The following GRM7 variants were observed in gnomAD, a reference collection of about 807,000 sequenced individuals.
GRM7 encodes the protein metabotropic glutamate receptor 7.
A neutral mutation model predicts 84.5 loss-of-function variants in GRM7; 35 were observed. The observed-to-expected ratio is 0.41, with a 90% CI of 0.32 to 0.55. GRM7 has a LOEUF of 0.55. Ranked by LOEUF, GRM7 falls within the 20% of genes least tolerant of loss-of-function variation. The pLI, the probability that GRM7 is intolerant of heterozygous loss-of-function variation, is 0.19. For synonymous variants in GRM7, 487 were observed against 455.1 expected (o/e 1.07, Z -0.89); for missense variants, 1,003 against 1,194.6 (o/e 0.84, Z 2.36).
At chr3:7,482,110 C>A (rs1023514270) in intron 7 of GRM7, among the ~76,000 whole-genome samples, 1 of 152,152 alleles carries the variant, frequency 6.6e-6, no homozygotes, top group African/African-American at 2.4e-5. Flanking sequence ...ATGGCGTGAA[C>A]CCAGGAGGCG....
intron 7 of GRM7, among the ~76,000 whole-genome samples, chr3:7,505,367 C>G (rs575219202): frequency 6.6e-6 from 1 of 152,182 alleles, no homozygotes; most frequent in Non-Finnish European, 1.5e-5. Context: ...TGAGGGTGAC[C>G]CTGACCCTAT....
In GRM7 at chr3:6,861,279, A is replaced by C; in HGVS notation, c.-110A>C. ...GGATTCCCCCACCCTCCGTGCCTGCAGGAGCCCCTGGGCTTTCCCGGAGGA... is the reference window on the plus strand; with the variant it reads ...GGATTCCCCCACCCTCCGTGCCTGCCGGAGCCCCTGGGCTTTCCCGGAGGA... On this transcript the variant is annotated 5_prime_UTR_variant, in exon 1 of 10. Coordinates refer to ENST00000357716, the MANE Select transcript of GRM7 (RefSeq NM_000844.4). This position sits in a 1 kb window ranked among gnomAD's most constrained non-coding sequence, Gnocchi z 6.4. The C allele has an allele frequency of 1.1e-6, 1 of 916,116 alleles. No individual in the cohort carries two copies. The highest frequency in any genetic ancestry group is 1.5e-6 in the Non-Finnish European group (1 of 671,854). The allele number at this position is 916,116 out of a possible 1,614,324, so 56.7% of individuals were successfully genotyped here.
At chr3:7,683,643 T>C (rs982745461) in intron 9 of GRM7, among the ~76,000 whole-genome samples, 5 of 152,262 alleles carry the variant, frequency 3.3e-5, no homozygotes, top group African/African-American at 1.2e-4. Context: ...GTGACGATCA[T>C]GTTTTATGTG....
chr3:7,609,706 C>T (rs559754068), intron 8 of GRM7, among the ~76,000 whole-genome samples: 1 of 152,122 alleles, frequency 6.6e-6, no homozygotes, highest in African/African-American at 2.4e-5. Flanking sequence ...TGGATGAAAT[C>T]ATCACCTAGA....
Position 7,135,172 on chromosome 3 carries a change from A to T in GRM7, c.520-11280A>T, listed in dbSNP as rs574968047. ...GTTTGGAATAAATTAATAAAAATTA[A>T]ATTACCCCCAAATTAGAATTCCTGC... is the stretch of plus-strand genomic sequence containing the variant. On this transcript the variant is annotated intron_variant, in intron 1 of 9. Coordinates refer to ENST00000357716, the MANE Select transcript of GRM7 (RefSeq NM_000844.4). 6.6e-5 allele frequency among the ~76,000 whole-genome samples: 10 copies of T among 152,328 alleles called. No homozygotes were observed. In the South Asian group the frequency reaches 1.9e-3, roughly 28 times the overall value.
At chr3:7,476,917 C>A (rs1165073834) in intron 7 of GRM7, among the ~76,000 whole-genome samples, 1 of 152,328 alleles carries the variant, frequency 6.6e-6, no homozygotes, top group African/African-American at 2.4e-5. Context: ...ACACATTTCA[C>A]CTTACTTGTG....
chr3:7,631,819 G>T (rs1163540563), intron 8 of GRM7, among the ~76,000 whole-genome samples: 1 of 152,074 alleles, frequency 6.6e-6, no homozygotes, highest in African/African-American at 2.4e-5. Context: ...ATTGCCCTGG[G>T]TTGACCTAGG....
chr3:7,166,717 C>T (rs977611506), intron 2 of GRM7, among the ~76,000 whole-genome samples: 7 of 152,106 alleles, frequency 4.6e-5, no homozygotes, highest in African/African-American at 9.7e-5. Context: ...GAACAGATGC[C>T]GCTTGATGGC....
intron 4 of GRM7, among the ~76,000 whole-genome samples, chr3:7,410,018 T>G (rs1695856994): frequency 6.6e-6 from 1 of 152,204 alleles, no homozygotes; most frequent in Non-Finnish European, 1.5e-5. Context: ...ATGAGAGAGA[T>G]GCATTTCTCA....
At chr3:7,582,271 G>A (rs1695292092) in intron 8 of GRM7, among the ~76,000 whole-genome samples, 1 of 152,174 alleles carries the variant, frequency 6.6e-6, no homozygotes, top group African/African-American at 2.4e-5. Flanking sequence ...CTCAGGTAGG[G>A]AACATACAGG....
chr3:7,207,791 T>C (rs1478304227), intron 2 of GRM7, among the ~76,000 whole-genome samples: 8 of 152,214 alleles, frequency 5.3e-5, no homozygotes, highest in African/African-American at 1.9e-4. Flanking sequence ...AGCACAACTT[T>C]CAGAATTATT....
At chr3:7,298,275 A>G (rs942318080) in intron 2 of GRM7, among the ~76,000 whole-genome samples, 35 of 152,182 alleles carry the variant, frequency 2.3e-4, no homozygotes, top group Non-Finnish European at 3.7e-4. Context: ...CCACAAAAGT[A>G]ACAGAGATAC....
chr3:7,192,245 G>A lies in GRM7; in HGVS notation c.736+45577G>A, dbSNP rs76740513. 2.9e-3 allele frequency among the ~76,000 whole-genome samples: 448 copies of A among 152,160 alleles called. 6 individuals carry two copies. Among genetic ancestry groups the A allele is most frequent in the African/African-American group, 0.01 (426 of 41,512 alleles). On this transcript the variant is annotated intron_variant, in intron 2 of 9. Transcript: ENST00000357716. ...AAATTGGCATTATTACCAAGGACCC[G>A]AAGAACATCTAATTTAGGTGGTACA...
intron 2 of GRM7, among the ~76,000 whole-genome samples, chr3:7,165,453 A>G (rs1455360759): frequency 1.3e-5 from 2 of 152,176 alleles, no homozygotes; most frequent in East Asian, 3.8e-4. Flanking sequence ...AATATATTTT[A>G]TGTGTATTTT....
At position 7,345,301 on chromosome 3, in the gene GRM7, G is replaced by A. The variant is rs547416941; in HGVS notation, c.1033+38649G>A. 2.7e-5 allele frequency among the ~76,000 whole-genome samples: 4 copies of A among 149,246 alleles called. No homozygotes were observed. The South Asian group carries it at 8.5e-4, about 32-fold the overall frequency. ...TTTTTTTTTTTTTCTTTGAGACAGA[G>A]TCTCACTCTGTCACCCAGGCTGGAG... is the stretch of plus-strand genomic sequence containing the variant. On this transcript the variant is annotated intron_variant, in intron 4 of 9. Coordinates refer to ENST00000357716, the MANE Select transcript of GRM7 (RefSeq NM_000844.4).
chr3:7,612,997 A>G (rs1187527467), intron 8 of GRM7, among the ~76,000 whole-genome samples: 2 of 152,188 alleles, frequency 1.3e-5, no homozygotes, highest in African/African-American at 4.8e-5. Context: ...ATATGAACAT[A>G]TAATTATCAG....
intron 7 of GRM7, among the ~76,000 whole-genome samples, chr3:7,544,497 T>A (rs1693042060): frequency 6.6e-6 from 1 of 152,188 alleles, no homozygotes; most frequent in Non-Finnish European, 1.5e-5. Context: ...GATTTGCCTC[T>A]GACTTACTGG....
At position 7,276,203 on chromosome 3, in the gene GRM7, ATATATGTGTGTGTGTGTGTGTG is replaced by A. The variant is rs1247036664; in HGVS notation, c.737-22479_737-22458del. Among the ~76,000 whole-genome samples, 6 of 124,764 alleles carry A rather than the reference ATATATGTGTGTGTGTGTGTGTG, an allele frequency of 4.8e-5. No individual in the cohort carries two copies. In the South Asian group the frequency reaches 8.2e-4, roughly 17 times the overall value. The allele number at this position is 124,764 out of a possible 152,430, so 81.9% of individuals were successfully genotyped here. A position where few individuals can be genotyped will look rare whatever the true frequency, so the allele number is the denominator to read the frequency against. The stretch of plus-strand genomic sequence containing the variant: ...ATTATTTTTTAAATTATATATATAT[ATATATGTGTGTGTGTGTGTGTG>A]TGTGTGTGTGTGTGTGTGTGTGTGT... On this transcript the variant is annotated intron_variant, in intron 2 of 9. Coordinates refer to ENST00000357716, the MANE Select transcript of GRM7 (RefSeq NM_000844.4).
chr3:7,491,278 C>G (rs1457106295), intron 7 of GRM7, among the ~76,000 whole-genome samples: 2 of 151,824 alleles, frequency 1.3e-5, no homozygotes, highest in East Asian at 1.9e-4. Context: ...GAAATAAATA[C>G]AAAAAATAAA....
Sources: gnomAD v4.1 joint callset for allele counts (sites outside exome capture counted in the v4.1 genomes callset) on GRCh38, gnomAD v4.1.1 for gene constraint, Gnocchi (gnomAD v3.1) non-coding constraint, MANE v1.5 for transcripts, NCBI Gene and HGNC (gene_info 2026-07-23, HGNC 2026-07-21) for gene names.